The following ORC4 variants were observed in gnomAD, a reference collection of about 807,000 sequenced individuals.
ORC4 encodes origin recognition complex, subunit 4 homolog.
ORC4 carries 55 observed loss-of-function variants against 63.9 expected under a neutral mutation model. The ratio of observed to expected loss-of-function variants is 0.86; its 90% CI spans 0.69 to 1.08. The LOEUF (loss-of-function observed/expected upper bound fraction) is 1.08. Ranked by LOEUF, ORC4 falls within the 50% of genes least tolerant of loss-of-function variation. ORC4 has a pLI of 0.00. For missense variants in ORC4, 511 were observed against 504.4 expected, an observed-to-expected ratio of 1.01 and a Z score of -0.13; for synonymous variants, 150 against 168.5, an observed-to-expected ratio of 0.89 and a Z score of 0.85.
intron 1 of ORC4, among the ~76,000 whole-genome samples, chr2:148,005,087 C>T (rs765496044): frequency 3.9e-5 from 6 of 152,180 alleles, no homozygotes; most frequent in Admixed American, 6.5e-5. Context: ...AATCATTCTA[C>T]TATAAAGACA....
At chr2:147,999,289 G>C (rs1287969442) in intron 1 of ORC4, among the ~76,000 whole-genome samples, 2 of 152,136 alleles carry the variant, frequency 1.3e-5, no homozygotes, top group Non-Finnish European at 1.5e-5. Flanking sequence ...CAGAAGGTGA[G>C]GGTATCAGAC....
At chr2:147,968,634 A>T (rs1016289574) in intron 4 of ORC4, among the ~76,000 whole-genome samples, 6 of 152,074 alleles carry the variant, frequency 3.9e-5, no homozygotes, top group African/African-American at 7.2e-5. Context: ...AACAAAAAAT[A>T]ATAAATGCTG....
intron 6 of ORC4, among the ~76,000 whole-genome samples, chr2:147,956,166 T>C (rs766555570): frequency 6.6e-6 from 1 of 151,992 alleles, no homozygotes; most frequent in Non-Finnish European, 1.5e-5. Flanking sequence ...TTTGAGGAGA[T>C]ATAAAGGAGA....
chr2:147,983,491 C>T (rs1266312988), intron 1 of ORC4, among the ~76,000 whole-genome samples: 2 of 152,190 alleles, frequency 1.3e-5, no homozygotes, highest in Non-Finnish European at 2.9e-5. Context: ...AAGTGGTCCA[C>T]TGGTCCCCAA....
chr2:147,983,117 G>C (rs1209139395), intron 1 of ORC4, among the ~76,000 whole-genome samples: 1 of 152,126 alleles, frequency 6.6e-6, no homozygotes, highest in East Asian at 1.9e-4. Context: ...CCACTGGTGG[G>C]AATGTATAAT....
chr2:147,990,591 T>G (rs1649321855), intron 1 of ORC4, among the ~76,000 whole-genome samples: 1 of 152,228 alleles, frequency 6.6e-6, no homozygotes, highest in Non-Finnish European at 1.5e-5. Flanking sequence ...GGTGAGATGT[T>G]TCCTTGAGTT....
intron 1 of ORC4, among the ~76,000 whole-genome samples, chr2:147,987,922 C>G (rs562223394): frequency 6.6e-6 from 1 of 151,336 alleles, no homozygotes; most frequent in South Asian, 2.1e-4. Flanking sequence ...GTGTGGTGGC[C>G]GGCGCCTATA....
At position 147,943,438 on chromosome 2, in the gene ORC4, A is replaced by G. The variant is rs1381932083; in HGVS notation, c.847T>C (p.Leu283=). The G allele has an allele frequency of 1.9e-6, 3 of 1,578,686 alleles. No individual in the cohort carries two copies. The change falls in exon 10 of 14, where the codon TTG becomes CTG. Residue 283 remains leucine (L), a splice_region_variant and synonymous_variant. Coordinates refer to ENST00000392857, the MANE Select transcript of ORC4 (RefSeq NM_181741.4). The part of the protein sequence containing the change: ...SKNLRSLHML[L]MLALNRVTAS... ...AATAAAACAAAACTAATACAAACCA[A>G]TAGCATGTGTAATGACCGCAGGTTT... is the stretch of plus-strand genomic sequence containing the variant.
intron 1 of ORC4, among the ~76,000 whole-genome samples, chr2:148,015,261 T>C (rs1454472621): frequency 1.3e-5 from 2 of 151,270 alleles, no homozygotes; most frequent in Non-Finnish European, 2.9e-5. Context: ...TGGTACAAAA[T>C]TAATTGTGGT....
chr2:148,004,592 C>A (rs1002022732), intron 1 of ORC4, among the ~76,000 whole-genome samples: 3 of 152,074 alleles, frequency 2.0e-5, no homozygotes, highest in South Asian at 2.1e-4. Flanking sequence ...ACTGGCCCCC[C>A]CTTCCTTACA....
At chr2:147,942,329 A>G (rs750136714) in intron 10 of ORC4, among the ~76,000 whole-genome samples, 2 of 152,152 alleles carry the variant, frequency 1.3e-5, no homozygotes, top group Non-Finnish European at 2.9e-5. Context: ...GAAGAAAGTT[A>G]ATTTTCAGAA....
At chr2:148,006,036 A>G (rs1225836736) in intron 1 of ORC4, among the ~76,000 whole-genome samples, 1 of 152,186 alleles carries the variant, frequency 6.6e-6, no homozygotes, top group Non-Finnish European at 1.5e-5. Flanking sequence ...CAGGTGAGTA[A>G]TCACGGCACC....
intron 1 of ORC4, among the ~76,000 whole-genome samples, chr2:148,001,403 C>T (rs533613513): frequency 9.9e-5 from 15 of 152,222 alleles, no homozygotes; most frequent in South Asian, 2.1e-4. Context: ...AGACTAACAA[C>T]GGATCTCTCT....
intron 4 of ORC4, among the ~76,000 whole-genome samples, chr2:147,970,638 C>T (rs890189692): frequency 2.1e-5 from 3 of 144,666 alleles, no homozygotes; most frequent in Non-Finnish European, 3.0e-5. Flanking sequence ...GAAAAAAAAA[C>T]GAATCTAAAC....
intron 1 of ORC4, among the ~76,000 whole-genome samples, chr2:147,989,092 G>A (rs1221534167): frequency 6.6e-6 from 1 of 152,216 alleles, no homozygotes; most frequent in Non-Finnish European, 1.5e-5. Flanking sequence ...GTTCATTTGA[G>A]CCAAGCTTGA....
chr2:147,971,809 T>C (rs1346158091), intron 4 of ORC4, among the ~76,000 whole-genome samples: 1 of 152,024 alleles, frequency 6.6e-6, no homozygotes, highest in Non-Finnish European at 1.5e-5. Flanking sequence ...AATATGATTA[T>C]ATATAAATGT....
chr2:147,975,799 C>T (rs1245579907), intron 2 of ORC4, 103 bp downstream of exon 2: 3 of 777,830 alleles, frequency 3.9e-6, no homozygotes, highest in African/African-American at 3.4e-5. Flanking sequence ...AAGAGTGATT[C>T]TTCCTAAATG....
intron 1 of ORC4, among the ~76,000 whole-genome samples, chr2:147,994,183 T>C (rs1016193665): frequency 2.0e-5 from 3 of 152,196 alleles, no homozygotes; most frequent in South Asian, 4.1e-4. Context: ...TCTATGAGGA[T>C]CACTATAAAA....
At chr2:148,009,033 G>A (rs188472112) in intron 1 of ORC4, among the ~76,000 whole-genome samples, 17 of 152,166 alleles carry the variant, frequency 1.1e-4, no homozygotes, top group Non-Finnish European at 2.4e-4. Context: ...GAAGTGTACA[G>A]GTTTTTAGTT....
Sources: gnomAD v4.1 joint callset for allele counts (sites outside exome capture counted in the v4.1 genomes callset) on GRCh38, gnomAD v4.1.1 for gene constraint, MANE v1.5 for transcripts, NCBI Gene and HGNC (gene_info 2026-07-23, HGNC 2026-07-21) for gene names.